The following LEPR variants were observed in gnomAD, a reference collection of about 807,000 sequenced individuals.
LEPR encodes OB receptor.
A neutral mutation model predicts 114.7 loss-of-function variants in LEPR; 56 were observed. The observed-to-expected ratio is 0.49, with a 90% CI of 0.39 to 0.61. The LOEUF is 0.61. LEPR is among the 20% of genes least tolerant of loss of function. LEPR has a pLI of 0.00. For missense variants in LEPR, 1,202 were observed against 1,352.9 expected, an observed-to-expected ratio of 0.89 and a Z score of 1.75; for synonymous variants, 443 against 461.4, an observed-to-expected ratio of 0.96 and a Z score of 0.51.
chr1:65,569,253 C>G (rs1653984129), intron 3 of LEPR, among the ~76,000 whole-genome samples: 1 of 152,118 alleles, frequency 6.6e-6, no homozygotes. Context: ...TTACATTTGC[C>G]AAACTCTTCA....
intron 5 of LEPR, among the ~76,000 whole-genome samples, chr1:65,574,262 C>T (rs1654417447): frequency 6.6e-6 from 1 of 152,098 alleles, no homozygotes; most frequent in South Asian, 2.1e-4. Context: ...ATCAGTATCA[C>T]CTGGAACCTT....
intron 2 of LEPR, among the ~76,000 whole-genome samples, chr1:65,488,270 T>C (rs915400775): frequency 1.4e-5 from 2 of 139,114 alleles, no homozygotes; most frequent in Non-Finnish European, 3.1e-5. Flanking sequence ...TCTTTCTCTT[T>C]CCTCTTTCTT....
At chr1:65,612,303 A>C (rs1216325530) in intron 14 of LEPR, among the ~76,000 whole-genome samples, 1 of 152,248 alleles carries the variant, frequency 6.6e-6, no homozygotes, top group Non-Finnish European at 1.5e-5. Flanking sequence ...AGTTTTCTCT[A>C]GTATTAACAT....
chr1:65,446,808 GC>G (rs1199237790), intron 2 of LEPR, among the ~76,000 whole-genome samples: 1 of 152,116 alleles, frequency 6.6e-6, no homozygotes, highest in African/African-American at 2.4e-5. Flanking sequence ...CTTTGGAAGA[GC>G]AGAAGTTTAA....
chr1:65,603,351 T>TCACACACACA (rs35530125), intron 10 of LEPR, among the ~76,000 whole-genome samples: 2 of 149,900 alleles, frequency 1.3e-5, no homozygotes, highest in African/African-American at 4.9e-5. Flanking sequence ...CACCATTTAT[T>TCACACACACA]CACACACACA....
chr1:65,421,078 C>T (rs1646239740), intron 1 of LEPR, among the ~76,000 whole-genome samples: 1 of 152,230 alleles, frequency 6.6e-6, no homozygotes, highest in South Asian at 2.1e-4. Flanking sequence ...GCCACCCTAA[C>T]GCCTTTCTTC....
At chr1:65,636,108 CACACTT>C in intron 19 of LEPR, 77 bp from the exon 20 acceptor site, 2 of 1,465,280 alleles carry the variant, frequency 1.4e-6, no homozygotes, top group Non-Finnish European at 1.9e-6. Flanking sequence ...ATTAACTTAA[CACACTT>C]CCATTTCTGC....
chr1:65,531,222 C>A (rs1033839498), intron 2 of LEPR, among the ~76,000 whole-genome samples: 2 of 152,158 alleles, frequency 1.3e-5, no homozygotes, highest in African/African-American at 4.8e-5. Context: ...ATATTAGAAA[C>A]CATCTTTTCA....
At chr1:65,450,527 T>C (rs1330086479) in intron 2 of LEPR, among the ~76,000 whole-genome samples, 1 of 143,688 alleles carries the variant, frequency 7.0e-6, no homozygotes, top group African/African-American at 2.6e-5. Flanking sequence ...ATATGCAGTG[T>C]TTGGTTTTTT....
Position 65,633,450 on chromosome 1 carries a change from T to G in LEPR, c.2674-2741T>G, listed in dbSNP as rs1335163513. 4 of 1,254,500 alleles carry G rather than the reference T, an allele frequency of 3.2e-6. No individual in the cohort carries two copies. The East Asian group carries it at 9.9e-5, about 31-fold the overall frequency. 77.7% of individuals were successfully genotyped at this position (1,254,500 alleles called of 1,614,324 possible). ...TATTCATGATTTCTGGCTTTTGATT[T>G]GTCATATTCCTGGTCATAAAACATT... On this transcript the variant is annotated intron_variant, in intron 19 of 19. Transcript: ENST00000349533. This position sits in a 1 kb window ranked among gnomAD's most constrained non-coding sequence, Gnocchi z 4.1.
chr1:65,497,313 T>C (rs1234685758), intron 2 of LEPR, among the ~76,000 whole-genome samples: 1 of 152,136 alleles, frequency 6.6e-6, no homozygotes, highest in Non-Finnish European at 1.5e-5. Context: ...TTCTTTATAA[T>C]ATCCATTCTT....
Position 65,636,735 on chromosome 1 carries a change from A to T in LEPR, c.3218A>T (p.Asp1073Val). 1 of 1,610,792 alleles carries T rather than the reference A, an allele frequency of 6.2e-7. No individual in the cohort carries two copies. The highest frequency in any genetic ancestry group is 8.5e-7 in the Non-Finnish European group (1 of 1,178,870). ...LEGNFPEENN[D>V]KKSIYYLGVT... ...GGAAATTTCCCTGAAGAAAATAATG[A>T]TAAAAAGTCTATCTATTATTTAGGG... Residue 1073 changes from aspartate (D) to valine (V), a missense_variant, in exon 20 of 20, where the codon GAT becomes GTT. Coordinates refer to ENST00000349533, the MANE Select transcript of LEPR (RefSeq NM_002303.6).
chr1:65,534,011 C>G (rs754791088), intron 2 of LEPR, among the ~76,000 whole-genome samples: 1 of 151,990 alleles, frequency 6.6e-6, no homozygotes, highest in Non-Finnish European at 1.5e-5. Context: ...TTTCTATATT[C>G]TTATGTTTTA....
At chr1:65,548,941 T>A (rs1231213980) in intron 2 of LEPR, among the ~76,000 whole-genome samples, 7 of 152,238 alleles carry the variant, frequency 4.6e-5, no homozygotes, top group Non-Finnish European at 1.0e-4. Flanking sequence ...TTGCAGTGGC[T>A]GGTACCAGTT....
chr1:65,440,528 G>A (rs945973048), intron 2 of LEPR, among the ~76,000 whole-genome samples: 4 of 152,130 alleles, frequency 2.6e-5, no homozygotes, highest in African/African-American at 9.7e-5. Flanking sequence ...AAGATACAGT[G>A]CCCAAGAAAG....
chr1:65,604,263 T>TA (rs1355568368), intron 10 of LEPR, among the ~76,000 whole-genome samples: 5 of 152,136 alleles, frequency 3.3e-5, no homozygotes, highest in Admixed American at 3.3e-4. Flanking sequence ...TGGGAAAAAT[T>TA]AAAAAATGCC....
intron 2 of LEPR, among the ~76,000 whole-genome samples, chr1:65,501,247 G>A (rs988114925): frequency 1.3e-5 from 2 of 151,920 alleles, no homozygotes; most frequent in African/African-American, 4.8e-5. Context: ...CTGGAGGCTA[G>A]AAGTTCAAAA....
intron 2 of LEPR, chr1:65,433,742 C>T (rs537115453): frequency 4.1e-5 from 38 of 917,960 alleles, no homozygotes; most frequent in South Asian, 1.5e-4. Context: ...TAATTTTAAC[C>T]GGCATTTTTA....
At chr1:65,592,539 C>A in intron 5 of LEPR, 118 bp from the exon 6 acceptor site, 22 of 959,100 alleles carry the variant, frequency 2.3e-5, no homozygotes, top group Non-Finnish European at 2.6e-5. Context: ...TTTTCAGATA[C>A]CCTTTAAGCT....
Sources: gnomAD v4.1 joint callset for allele counts (sites outside exome capture counted in the v4.1 genomes callset) on GRCh38, gnomAD v4.1.1 for gene constraint, Gnocchi (gnomAD v3.1) non-coding constraint, MANE v1.5 for transcripts, NCBI Gene and HGNC (gene_info 2026-07-23, HGNC 2026-07-21) for gene names.